MAD1L1: variants seen among roughly 807,000 people sequenced by gnomAD.
The protein encoded by MAD1L1 is mitotic spindle assembly checkpoint protein MAD1.
In MAD1L1, 95 loss-of-function variants were observed where a neutral mutation model predicts 96.9. The ratio of observed to expected loss-of-function variants is 0.98; its 90% CI spans 0.83 to 1.16. The LOEUF (loss-of-function observed/expected upper bound fraction) is 1.16, where lower values mean the gene tolerates loss of function less well. Ranked by LOEUF, MAD1L1 falls within the 50% of genes most tolerant of loss-of-function variation. The pLI is 0.00. For synonymous variants in MAD1L1, 473 were observed against 396.6 expected, an observed-to-expected ratio of 1.19 and a Z score of -2.29; for missense variants, 1,007 against 954.4, an observed-to-expected ratio of 1.06 and a Z score of -0.73.
chr7:1,981,032 T>A (rs1165500736), intron 14 of MAD1L1, among the ~76,000 whole-genome samples: 2 of 152,186 alleles, frequency 1.3e-5, no homozygotes, highest in East Asian at 3.8e-4. Flanking sequence ...AGTGGCACAA[T>A]CTCGGCTCAC....
chr7:2,169,866 GA>G (rs1790629181), intron 10 of MAD1L1, among the ~76,000 whole-genome samples: 1 of 126,032 alleles, frequency 7.9e-6, no homozygotes, highest in Admixed American at 8.0e-5. Context: ...GCAGGGGCTG[GA>G]CCACAGTCTG....
chr7:1,940,388 T>A (rs1778893594), intron 16 of MAD1L1: 1 of 152,258 alleles, frequency 6.6e-6, no homozygotes, highest in Non-Finnish European at 1.5e-5. Flanking sequence ...TTGAAAGGAT[T>A]GCTACTTCAT....
intron 10 of MAD1L1, among the ~76,000 whole-genome samples, chr7:2,161,848 G>A (rs999651517): frequency 8.5e-5 from 13 of 152,114 alleles, no homozygotes; most frequent in Non-Finnish European, 1.6e-4. Flanking sequence ...TGTCTGGGAA[G>A]TGAGGAGCCC....
At chr7:1,899,426 C>G (rs1043631597) in intron 17 of MAD1L1, among the ~76,000 whole-genome samples, 2 of 152,138 alleles carry the variant, frequency 1.3e-5, no homozygotes, top group African/African-American at 4.8e-5. Context: ...ATCCTGCAGG[C>G]CACGGGAGCT....
chr7:1,864,979 T>C (rs559487866), intron 18 of MAD1L1, among the ~76,000 whole-genome samples: 1 of 152,192 alleles, frequency 6.6e-6, no homozygotes, highest in Admixed American at 6.5e-5. Flanking sequence ...GGAGCTCTAG[T>C]ATAGCCACAC....
Position 1,904,978 on chromosome 7 carries a change from G to A in MAD1L1, c.1808-6588C>T, listed in dbSNP as rs193088127. Among the ~76,000 whole-genome samples, 6 of 89,526 alleles carry A rather than the reference G, an allele frequency of 6.7e-5. 2 individuals are homozygous for A. The highest frequency in any genetic ancestry group is 2.6e-4 in the African/African-American group (6 of 23,088). The allele number at this position is 89,526 out of a possible 152,430, so 58.7% of individuals were successfully genotyped here. On this transcript the variant is annotated intron_variant, in intron 17 of 18. Transcript: ENST00000265854. The stretch of plus-strand genomic sequence containing the variant: ...CTATTCCAGGCAGCAAGGACACAGT[G>A]GCCTACGGAAGACGCTCTTGAGGAA...
At position 1,816,237 on chromosome 7, in the gene MAD1L1, C is replaced by T. The variant is rs781687051; in HGVS notation, c.1999-9G>A. On this transcript the variant is annotated splice_polypyrimidine_tract_variant and intron_variant, in intron 18 of 18. Coordinates refer to ENST00000265854, the MANE Select transcript of MAD1L1 (RefSeq NM_001013836.2). ...CCCGAGGGGCTGGTGGCCTGCGGGG[C>T]AGTCAAGAAAGAGACAAGACAGCGG... 5.0e-6 allele frequency: 8 copies of T among 1,610,358 alleles called. No homozygotes were observed. Among genetic ancestry groups the T allele is most frequent in the Non-Finnish European group, 2.5e-6 (3 of 1,178,476 alleles).
chr7:1,922,291 C>A (rs949132701), intron 17 of MAD1L1, among the ~76,000 whole-genome samples: 1 of 152,280 alleles, frequency 6.6e-6, no homozygotes, highest in Non-Finnish European at 1.5e-5. Context: ...TCCATTCACA[C>A]AGACCTCCCA....
At chr7:2,086,846 C>T (rs551388084) in intron 11 of MAD1L1, among the ~76,000 whole-genome samples, 15 of 152,174 alleles carry the variant, frequency 9.9e-5, no homozygotes, top group Middle Eastern at 3.2e-3. Context: ...TGAGCCACCG[C>T]GCCCAGCACA....
At chr7:2,034,940 G>C (rs1350569637) in intron 12 of MAD1L1, among the ~76,000 whole-genome samples, 1 of 152,240 alleles carries the variant, frequency 6.6e-6, no homozygotes. Context: ...AGAGTCCAGT[G>C]GTCAGAGCAC....
At chr7:2,162,232 G>A (rs201995671) in intron 10 of MAD1L1, among the ~76,000 whole-genome samples, 21,478 of 152,104 alleles carry the variant, frequency 0.14, 1,725 homozygotes, top group Middle Eastern at 0.28. Context: ...ACTCCATTTT[G>A]TTCTGTACTA....
chr7:1,920,736 G>A (rs912591364), intron 17 of MAD1L1, among the ~76,000 whole-genome samples: 1 of 152,222 alleles, frequency 6.6e-6, no homozygotes, highest in Non-Finnish European at 1.5e-5. Flanking sequence ...GAAATGACCA[G>A]TCCATGAGGT....
chr7:1,898,079 G>A (rs1479176555), intron 18 of MAD1L1, 121 bp downstream of exon 18: 2 of 1,064,896 alleles, frequency 1.9e-6, no homozygotes, highest in Non-Finnish European at 2.8e-6. Flanking sequence ...TTCCCGCCCA[G>A]CCCTCCACAC....
At chr7:2,016,876 A>T (rs554772915) in intron 12 of MAD1L1, among the ~76,000 whole-genome samples, 1 of 152,246 alleles carries the variant, frequency 6.6e-6, no homozygotes, top group East Asian at 1.9e-4. Flanking sequence ...TTGAAATCCT[A>T]TATCTTCCCA....
intron 12 of MAD1L1, among the ~76,000 whole-genome samples, chr7:2,038,126 C>A (rs944015814): frequency 3.9e-5 from 6 of 152,120 alleles, no homozygotes; most frequent in Non-Finnish European, 8.8e-5. Context: ...TAGATCAAAC[C>A]AGCCCCAACA....
At position 2,114,541 on chromosome 7, in the gene MAD1L1, G is replaced by A. The variant is rs368048430; in HGVS notation, c.1073+34611C>T. On this transcript the variant is annotated intron_variant, in intron 11 of 18. Coordinates refer to ENST00000265854, the MANE Select transcript of MAD1L1 (RefSeq NM_001013836.2). The surrounding 1 kb of genome is among the most constrained non-coding windows in gnomAD (Gnocchi z 4.2). Reference sequence around the variant, plus strand: ...ACCTCCCTGCAGCAAGGCCCAAGCCGACGTCACGTGGCAGAAGGATCTTCA... The same window carrying A: ...ACCTCCCTGCAGCAAGGCCCAAGCCAACGTCACGTGGCAGAAGGATCTTCA... Among the ~76,000 whole-genome samples the A allele has an allele frequency of 1.2e-4, 18 of 152,360 alleles. No individual in the cohort carries two copies. Among genetic ancestry groups the A allele is most frequent in the African/African-American group, 3.8e-4 (16 of 41,592 alleles).
In MAD1L1 at chr7:2,103,786, G is replaced by A. The variant is rs547201523; in HGVS notation, c.1074-34448C>T. ...GCAGACCCCCTGAACCACTGTGCACGGAGTCCCTCCGCATCCCCAGGCAGA... is the reference window on the plus strand; with the variant it reads ...GCAGACCCCCTGAACCACTGTGCACAGAGTCCCTCCGCATCCCCAGGCAGA... On this transcript the variant is annotated intron_variant, in intron 11 of 18. Coordinates refer to ENST00000265854, the MANE Select transcript of MAD1L1 (RefSeq NM_001013836.2). The surrounding 1 kb of genome is among the most constrained non-coding windows in gnomAD (Gnocchi z 4.3). 2.0e-5 allele frequency among the ~76,000 whole-genome samples: 3 copies of A among 152,310 alleles called. No homozygotes were observed. The highest frequency in any genetic ancestry group is 1.9e-4 in the East Asian group (1 of 5,166).
intron 11 of MAD1L1, among the ~76,000 whole-genome samples, chr7:2,138,555 C>A (rs1478823826): frequency 1.3e-5 from 2 of 152,194 alleles, no homozygotes; most frequent in Non-Finnish European, 2.9e-5. Context: ...CGCACACTTC[C>A]GGCTTGTTAG....
At chr7:1,946,603 G>A (rs935013510) in intron 16 of MAD1L1, among the ~76,000 whole-genome samples, 6 of 152,258 alleles carry the variant, frequency 3.9e-5, no homozygotes, top group Admixed American at 3.3e-4. Context: ...CTTGCAGAGC[G>A]AGCAGGCGCT....
Sources: allele counts gnomAD v4.1 joint callset (sites outside exome capture counted in the v4.1 genomes callset), GRCh38; gene constraint gnomAD v4.1.1; non-coding constraint Gnocchi (gnomAD v3.1); transcripts MANE v1.5; gene names NCBI Gene and HGNC (gene_info 2026-07-23, HGNC 2026-07-21).